Variants in NPAS3 observed in about 807,000 individuals in gnomAD.
The protein encoded by NPAS3 is neuronal PAS domain-containing protein 3.
In NPAS3, 14 loss-of-function variants were observed where a neutral mutation model predicts 73.1. That is an observed-to-expected ratio of 0.19 (90% CI 0.13 to 0.30). NPAS3 has a LOEUF of 0.30. Ranked by LOEUF, NPAS3 falls within the 10% of genes least tolerant of loss-of-function variation. NPAS3 has a pLI of 1.00. For synonymous variants in NPAS3, 620 were observed against 541.5 expected, an observed-to-expected ratio of 1.14 and a Z score of -2.01; for missense variants, 1,096 against 1,250.0, an observed-to-expected ratio of 0.88 and a Z score of 1.86.
chr14:33,194,194 G>C (rs190759697), intron 2 of NPAS3, among the ~76,000 whole-genome samples: 1 of 152,310 alleles, frequency 6.6e-6, no homozygotes, highest in African/African-American at 2.4e-5. Flanking sequence ...TTTCCTGTAA[G>C]TTAACCAGAC....
intron 2 of NPAS3, among the ~76,000 whole-genome samples, chr14:33,056,920 C>G (rs577310965): frequency 1.3e-5 from 2 of 152,264 alleles, no homozygotes; most frequent in African/African-American, 4.8e-5. Context: ...TTTTTGTCTT[C>G]ACACTCTTAA....
At chr14:33,455,380 G>A (rs1050378319) in intron 4 of NPAS3, among the ~76,000 whole-genome samples, 2 of 152,048 alleles carry the variant, frequency 1.3e-5, no homozygotes, top group Admixed American at 6.5e-5. Flanking sequence ...GAAATTCTTC[G>A]GGCTTTCACT....
Position 33,475,176 on chromosome 14 carries a change from C to T in NPAS3, c.469-84945C>T, listed in dbSNP as rs116707923. On this transcript the variant is annotated intron_variant, in intron 4 of 11. Transcript: ENST00000356141. ...AGAAGTTTTGATCTAATGTGATAAG[C>T]TCTGAATAAATAAAACGAAAAGAGA... Among the ~76,000 whole-genome samples, 1,230 of 152,080 alleles carry T rather than the reference C, an allele frequency of 8.1e-3. 18 individuals carry two copies. Among genetic ancestry groups the T allele is most frequent in the African/African-American group, 0.028 (1,147 of 41,476 alleles).
chr14:33,356,615 G>T (rs2045348489), intron 3 of NPAS3, among the ~76,000 whole-genome samples: 1 of 152,214 alleles, frequency 6.6e-6, no homozygotes, highest in Non-Finnish European at 1.5e-5. Flanking sequence ...TGAATCAGTT[G>T]TTCAGTCCCA....
chr14:33,246,982 C>A (rs915629514), intron 3 of NPAS3, among the ~76,000 whole-genome samples: 1 of 151,822 alleles, frequency 6.6e-6, no homozygotes, highest in Non-Finnish European at 1.5e-5. Context: ...TTATTGCGCT[C>A]CCACCTGGGT....
chr14:33,233,308 G>C (rs112616095), intron 3 of NPAS3, among the ~76,000 whole-genome samples: 4 of 152,094 alleles, frequency 2.6e-5, no homozygotes, highest in Non-Finnish European at 4.4e-5. Context: ...CTTTAGCATA[G>C]CTATAGACAT....
At chr14:32,957,745 T>A (rs896985244) in intron 1 of NPAS3, among the ~76,000 whole-genome samples, 6 of 152,194 alleles carry the variant, frequency 3.9e-5, no homozygotes, top group Non-Finnish European at 8.8e-5. Context: ...AAGCTAAAAA[T>A]TTTCAGTTTT....
intron 4 of NPAS3, among the ~76,000 whole-genome samples, chr14:33,515,617 C>T (rs1321171404): frequency 1.3e-5 from 2 of 152,084 alleles, no homozygotes; most frequent in Admixed American, 1.3e-4. Flanking sequence ...CTAAAATATT[C>T]ACTATCTGGT....
At chr14:33,087,003 C>T (rs542970100) in intron 2 of NPAS3, among the ~76,000 whole-genome samples, 1 of 151,618 alleles carries the variant, frequency 6.6e-6, no homozygotes, top group Admixed American at 6.6e-5. Flanking sequence ...GGGACAAAGC[C>T]AAGAATTTTC....
chr14:33,304,452 C>A (rs2042677849), intron 3 of NPAS3, among the ~76,000 whole-genome samples: 1 of 151,614 alleles, frequency 6.6e-6, no homozygotes, highest in Non-Finnish European at 1.5e-5. Context: ...ACATGGCACA[C>A]ATGCTGAAAC....
At chr14:33,357,470 G>A (rs75626398) in intron 3 of NPAS3, among the ~76,000 whole-genome samples, 3,090 of 152,296 alleles carry the variant, frequency 0.02, 48 homozygotes, top group South Asian at 0.037. Flanking sequence ...ATAGCACACT[G>A]TAGGAAAGGC....
chr14:33,593,795 G>C (rs2057149055), intron 5 of NPAS3, among the ~76,000 whole-genome samples: 1 of 152,034 alleles, frequency 6.6e-6, no homozygotes, highest in Non-Finnish European at 1.5e-5. Flanking sequence ...AACTTAAAAG[G>C]GACATTTGTC....
chr14:32,973,802 G>T (rs892920112), intron 1 of NPAS3, among the ~76,000 whole-genome samples: 1 of 152,124 alleles, frequency 6.6e-6, no homozygotes, highest in Non-Finnish European at 1.5e-5. Flanking sequence ...CTCCCAGAGT[G>T]CTGGGATTAC....
At chr14:33,477,234 C>G (rs552217329) in intron 4 of NPAS3, among the ~76,000 whole-genome samples, 1 of 152,222 alleles carries the variant, frequency 6.6e-6, no homozygotes, top group East Asian at 1.9e-4. Context: ...AGAGAGGATG[C>G]TTTTCTCAGA....
chr14:33,622,165 A>C (rs1280906489), intron 5 of NPAS3, among the ~76,000 whole-genome samples: 1 of 152,184 alleles, frequency 6.6e-6, no homozygotes, highest in Non-Finnish European at 1.5e-5. Flanking sequence ...CTCTCTGATT[A>C]CCAGTCGGTT....
At chr14:33,342,630 A>C (rs969877219) in intron 3 of NPAS3, among the ~76,000 whole-genome samples, 1 of 152,296 alleles carries the variant, frequency 6.6e-6, no homozygotes, top group East Asian at 1.9e-4. Flanking sequence ...AAGTGTTTGC[A>C]CTTAATGTAT....
intron 4 of NPAS3, among the ~76,000 whole-genome samples, chr14:33,379,403 C>T (rs1049501101): frequency 6.6e-6 from 1 of 152,098 alleles, no homozygotes; most frequent in South Asian, 2.1e-4. Flanking sequence ...ATAGTAAAAA[C>T]TTTCTTATTG....
At chr14:33,497,898 G>A (rs550407052) in intron 4 of NPAS3, among the ~76,000 whole-genome samples, 18 of 152,234 alleles carry the variant, frequency 1.2e-4, no homozygotes, top group African/African-American at 4.3e-4. Context: ...GACCGTCAGA[G>A]TGAACAGGCA....
chr14:32,945,581 T>C (rs1425556409), intron 1 of NPAS3, among the ~76,000 whole-genome samples: 1 of 152,154 alleles, frequency 6.6e-6, no homozygotes, highest in East Asian at 1.9e-4. Flanking sequence ...GTACAGTCTT[T>C]GTAGAAATGT....
Sources: gnomAD v4.1 joint callset for allele counts (sites outside exome capture counted in the v4.1 genomes callset) on GRCh38, gnomAD v4.1.1 for gene constraint, MANE v1.5 for transcripts, NCBI Gene and HGNC (gene_info 2026-07-23, HGNC 2026-07-21) for gene names.